Variants in ZMAT4 observed in about 807,000 individuals in gnomAD.
ZMAT4 encodes the protein zinc finger matrin-type 4, also known as zinc finger matrin-type protein 4.
ZMAT4 carries 17 observed loss-of-function variants against 28.7 expected under a neutral mutation model. The ratio of observed to expected loss-of-function variants is 0.59; its 90% CI spans 0.41 to 0.89. ZMAT4 has a LOEUF of 0.89. Among genes scored for constraint, ZMAT4 ranks in the 40% least tolerant of loss-of-function variants. The probability of loss-of-function intolerance (pLI) is 0.00; values close to 1 mark genes in which losing one functional copy is unlikely to be tolerated. For missense variants in ZMAT4, 240 were observed against 283.8 expected (o/e 0.85, Z 1.11); for synonymous variants, 117 against 109.2 (o/e 1.07, Z -0.44).
At chr8:40,841,223 T>C (rs1014846004) in intron 1 of ZMAT4, among the ~76,000 whole-genome samples, 6 of 152,158 alleles carry the variant, frequency 3.9e-5, no homozygotes, top group African/African-American at 1.2e-4. Flanking sequence ...CCAGTGGCGG[T>C]TGCACTCTCC....
At chr8:40,600,752 AGGGCCTTTGTC>A (rs1805273400) in intron 5 of ZMAT4, among the ~76,000 whole-genome samples, 1 of 152,146 alleles carries the variant, frequency 6.6e-6, no homozygotes, top group Admixed American at 6.5e-5. Flanking sequence ...TCCTGATACC[AGGGCCTTTGTC>A]CAGGAGAAGC....
chr8:40,560,114 C>T (rs1258481097), intron 6 of ZMAT4, among the ~76,000 whole-genome samples: 2 of 151,774 alleles, frequency 1.3e-5, no homozygotes, highest in East Asian at 3.9e-4. Flanking sequence ...AATACCTGTG[C>T]CTCTAATACA....
chr8:40,691,575 T>C (rs932508924), intron 4 of ZMAT4, among the ~76,000 whole-genome samples: 6 of 152,146 alleles, frequency 3.9e-5, no homozygotes, highest in African/African-American at 1.2e-4. Context: ...GAGAATTAAT[T>C]TGGAGTTACA....
chr8:40,664,126 T>C (rs1237457059), intron 5 of ZMAT4, among the ~76,000 whole-genome samples: 1 of 152,036 alleles, frequency 6.6e-6, no homozygotes, highest in East Asian at 1.9e-4. Context: ...GTACTGTGGG[T>C]GATATGAAGA....
At chr8:40,667,686 T>A (rs1441701937) in intron 5 of ZMAT4, among the ~76,000 whole-genome samples, 1 of 152,062 alleles carries the variant, frequency 6.6e-6, no homozygotes, top group Non-Finnish European at 1.5e-5. Flanking sequence ...TAAGTGTAAC[T>A]CGTGATGCTG....
At chr8:40,896,833 C>A (rs1233687646) in intron 1 of ZMAT4, among the ~76,000 whole-genome samples, 1 of 152,200 alleles carries the variant, frequency 6.6e-6, no homozygotes, top group Non-Finnish European at 1.5e-5. Context: ...ACCTGCGCAC[C>A]TACACGGAGC....
At position 40,756,426 on chromosome 8, in the gene ZMAT4, TTATA is replaced by T. The variant is rs72008675; in HGVS notation, c.192+11211_192+11214del. Among the ~76,000 whole-genome samples the T allele has an allele frequency of 2.4e-3, 174 of 73,204 alleles. 9 individuals carry two copies. The highest frequency in any genetic ancestry group is 3.0e-3 in the South Asian group (5 of 1,684). 48.0% of individuals were successfully genotyped at this position (73,204 alleles called of 152,430 possible). On this transcript the variant is annotated intron_variant, in intron 3 of 6. Transcript: ENST00000297737. Reference sequence around the variant, plus strand: ...AATTTCATGTCTAGGAAATGTTCTTTTATATATATATATATATATATATATATAT... The same window carrying T: ...AATTTCATGTCTAGGAAATGTTCTTTTATATATATATATATATATATATAT...
At chr8:40,722,467 A>G (rs189675813) in intron 3 of ZMAT4, among the ~76,000 whole-genome samples, 233 of 152,308 alleles carry the variant, frequency 1.5e-3, no homozygotes, top group African/African-American at 5.5e-3. Flanking sequence ...CACACATCTT[A>G]AAGCCACTTC....
chr8:40,733,711 C>A (rs960323364), intron 3 of ZMAT4, among the ~76,000 whole-genome samples: 1 of 151,806 alleles, frequency 6.6e-6, no homozygotes, highest in Non-Finnish European at 1.5e-5. Context: ...TAGGTGGGAT[C>A]CAGTTTAAGA....
Position 40,647,380 on chromosome 8 carries a change from C to T in ZMAT4, c.577+27324G>A, listed in dbSNP as rs573217390. Among the ~76,000 whole-genome samples, 20 of 152,352 alleles carry T rather than the reference C, an allele frequency of 1.3e-4. No individual in the cohort carries two copies. In the East Asian group the frequency reaches 1.5e-3, roughly 12 times the overall value. On this transcript the variant is annotated intron_variant, in intron 5 of 6. Transcript: ENST00000297737. ...GCGCTTTTCTGACGGGCTTAAAACA[C>T]GGCGCACCACAAGATTATATCCCGC...
At chr8:40,770,549 AT>A (rs60467361) in intron 2 of ZMAT4, among the ~76,000 whole-genome samples, 41 of 117,718 alleles carry the variant, frequency 3.5e-4, no homozygotes, top group East Asian at 1.9e-3. Context: ...TTTCTCTCTC[AT>A]TTTTTTTTTT....
At chr8:40,722,720 C>T (rs1477025439) in intron 3 of ZMAT4, among the ~76,000 whole-genome samples, 1 of 152,142 alleles carries the variant, frequency 6.6e-6, no homozygotes, top group African/African-American at 2.4e-5. Flanking sequence ...TGCTCACAGT[C>T]AGGAGGAGGA....
At position 40,720,596 on chromosome 8, in the gene ZMAT4, T is replaced by C. The variant is rs925347479; in HGVS notation, c.193-23195A>G. Among the ~76,000 whole-genome samples the C allele has an allele frequency of 1.1e-4, 16 of 151,186 alleles. No individual in the cohort carries two copies. The East Asian group carries it at 1.2e-3, about 11-fold the overall frequency. ...AGGCTGGAGTGCAGTGGCATGATTTTGGCTCACTGCAACCTCTGCCTTCTG... is the reference window on the plus strand; with the variant it reads ...AGGCTGGAGTGCAGTGGCATGATTTCGGCTCACTGCAACCTCTGCCTTCTG... On this transcript the variant is annotated intron_variant, in intron 3 of 6. Coordinates refer to ENST00000297737, the MANE Select transcript of ZMAT4 (RefSeq NM_024645.3).
chr8:40,561,830 C>T (rs902780062), intron 6 of ZMAT4, among the ~76,000 whole-genome samples: 1 of 152,070 alleles, frequency 6.6e-6, no homozygotes, highest in Non-Finnish European at 1.5e-5. Context: ...TTATGTATGG[C>T]CCAAGACAAT....
chr8:40,712,664 C>A (rs552364527), intron 3 of ZMAT4, among the ~76,000 whole-genome samples: 2 of 152,274 alleles, frequency 1.3e-5, no homozygotes, highest in East Asian at 3.9e-4. Context: ...AGGGAAGCTC[C>A]AATAGCGCCA....
At chr8:40,581,793 A>C (rs1804473464) in intron 5 of ZMAT4, among the ~76,000 whole-genome samples, 1 of 152,212 alleles carries the variant, frequency 6.6e-6, no homozygotes, top group Admixed American at 6.5e-5. Context: ...GTTCCACCAG[A>C]ATTTAGAAGG....
intron 3 of ZMAT4, among the ~76,000 whole-genome samples, chr8:40,718,320 C>T (rs183954036): frequency 2.0e-4 from 31 of 152,312 alleles, no homozygotes; most frequent in Admixed American, 2.0e-3. Context: ...CCCCAGCATC[C>T]TCTTAGGTAG....
intron 3 of ZMAT4, among the ~76,000 whole-genome samples, chr8:40,756,624 AGT>A (rs58686349): frequency 0.015 from 2,030 of 139,454 alleles, 34 homozygotes; most frequent in African/African-American, 0.036. Context: ...TATGTTTGTA[AGT>A]GTGTGTGTGT....
intron 4 of ZMAT4, among the ~76,000 whole-genome samples, chr8:40,694,427 T>A (rs1242145141): frequency 6.6e-6 from 1 of 152,168 alleles, no homozygotes; most frequent in Non-Finnish European, 1.5e-5. Flanking sequence ...TATTAAATGG[T>A]GGTGTCCTGC....
Sources: gnomAD v4.1 joint callset for allele counts (sites outside exome capture counted in the v4.1 genomes callset) on GRCh38, gnomAD v4.1.1 for gene constraint, MANE v1.5 for transcripts, NCBI Gene and HGNC (gene_info 2026-07-23, HGNC 2026-07-21) for gene names.